CFAP61: variants seen among roughly 807,000 people sequenced by gnomAD.
The protein encoded by CFAP61 is cilia and flagella associated protein 61.
A neutral mutation model predicts 135.6 loss-of-function variants in CFAP61; 107 were observed. The observed-to-expected ratio is 0.79, with a 90% confidence interval of 0.67 to 0.93. The LOEUF is 0.93. Ranked by LOEUF, CFAP61 falls within the 40% of genes least tolerant of loss-of-function variation. The pLI is 0.00. For synonymous variants in CFAP61, 575 were observed against 578.5 expected, an observed-to-expected ratio of 0.99 and a Z score of 0.09; for missense variants, 1,507 against 1,556.2, an observed-to-expected ratio of 0.97 and a Z score of 0.53.
intron 2 of CFAP61, among the ~76,000 whole-genome samples, chr20:20,069,004 A>G (rs2045515906): frequency 6.6e-6 from 1 of 152,182 alleles, no homozygotes; most frequent in Admixed American, 6.5e-5. Flanking sequence ...TGGCCTTCCA[A>G]AGTGCTGGGA....
chr20:20,070,458 A>C (rs2045624653), intron 2 of CFAP61, among the ~76,000 whole-genome samples: 1 of 152,044 alleles, frequency 6.6e-6, no homozygotes, highest in African/African-American at 2.4e-5. Context: ...TATCTTGGGC[A>C]CTCCCAGTCC....
chr20:20,320,376 T>TATATATTATATATGTAATATA (rs2057398298), intron 25 of CFAP61, among the ~76,000 whole-genome samples: 2 of 6,718 alleles, frequency 3.0e-4, no homozygotes, highest in African/African-American at 9.8e-4. Flanking sequence ...ATATATATTA[T>TATATATTATATATGTAATATA]ATATATGTAA....
chr20:20,121,646 C>T (rs1474501235), intron 8 of CFAP61, among the ~76,000 whole-genome samples: 4 of 152,102 alleles, frequency 2.6e-5, no homozygotes, highest in Non-Finnish European at 4.4e-5. Context: ...AGGCACATGC[C>T]CCTGTGCCCA....
At chr20:20,305,796 A>G (rs1031741526) in intron 25 of CFAP61, among the ~76,000 whole-genome samples, 4 of 152,210 alleles carry the variant, frequency 2.6e-5, no homozygotes, top group African/African-American at 9.6e-5. Flanking sequence ...CTGCCCTCAT[A>G]AAAGGCAATC....
chr20:20,175,385 T>C (rs6081909), intron 13 of CFAP61, among the ~76,000 whole-genome samples: 30,932 of 152,222 alleles, frequency 0.2, 3,509 homozygotes, highest in African/African-American at 0.29. Context: ...TCCAAGGCCC[T>C]GCCCCAGGTT....
chr20:20,142,991 C>T (rs750772175), intron 9 of CFAP61, 43 bp downstream of exon 9: 58 of 1,212,460 alleles, frequency 4.8e-5, no homozygotes, highest in Non-Finnish European at 6.8e-5. Context: ...GGGGGATGGG[C>T]CTGGGGGCTA....
intron 21 of CFAP61, among the ~76,000 whole-genome samples, chr20:20,274,728 A>G (rs1294088196): frequency 6.6e-6 from 1 of 152,234 alleles, no homozygotes; most frequent in Non-Finnish European, 1.5e-5. Context: ...GCCATCTTAC[A>G]TATTAATAAC....
intron 18 of CFAP61, among the ~76,000 whole-genome samples, chr20:20,234,855 C>T (rs1001701919): frequency 6.6e-6 from 1 of 152,142 alleles, no homozygotes; most frequent in Non-Finnish European, 1.5e-5. Context: ...TCAGTCTCCT[C>T]ACCTGTGCTG....
intron 2 of CFAP61, among the ~76,000 whole-genome samples, chr20:20,066,473 T>G (rs1277219923): frequency 6.6e-6 from 1 of 152,202 alleles, no homozygotes; most frequent in African/African-American, 2.4e-5. Context: ...GTGGCACATA[T>G]ACACCATGGA....
rs1244643640 is a variant in CFAP61, at chr20:20,246,163, C to G, written c.2107C>G (p.Leu703Val). The change falls in exon 19 of 27, where the codon CTC becomes GTC. Residue 703 changes from leucine to valine, a missense_variant. By Grantham distance (32) the Leu-to-Val change is conservative. Coordinates refer to ENST00000245957, the MANE Select transcript of CFAP61 (RefSeq NM_015585.4). Reference protein sequence around the residue: ...NNLTLISTHGLPGKKLLDTEQ... With the variant: ...NNLTLISTHGVPGKKLLDTEQ... ...TCTTACCCTGATTTCAACTCATGGA[C>G]TCCCAGGAAAAAAACTTCTGGACAC... 1.2e-6 allele frequency: 2 copies of G among 1,613,382 alleles called. No homozygotes were observed. Among genetic ancestry groups the G allele is most frequent in the Admixed American group, 1.7e-5 (1 of 59,988 alleles).
intron 2 of CFAP61, among the ~76,000 whole-genome samples, chr20:20,059,382 T>C (rs1363026747): frequency 7.2e-6 from 1 of 139,856 alleles, no homozygotes; most frequent in African/African-American, 2.6e-5. Flanking sequence ...TCTGGGATGC[T>C]GAGGTGGGCA....
At chr20:20,345,912 T>TTTG (rs1569320035) in intron 26 of CFAP61, among the ~76,000 whole-genome samples, 1 of 121,636 alleles carries the variant, frequency 8.2e-6, no homozygotes, top group East Asian at 2.5e-4. Context: ...TTTTTTTTTT[T>TTTG]GAGACGGAGT....
intron 9 of CFAP61, among the ~76,000 whole-genome samples, chr20:20,148,833 G>C (rs1464056595): frequency 6.6e-6 from 1 of 152,126 alleles, no homozygotes; most frequent in Non-Finnish European, 1.5e-5. Context: ...GCACTATGTT[G>C]AATAGAAGTG....
At chr20:20,320,895 G>T (rs930956162) in intron 25 of CFAP61, among the ~76,000 whole-genome samples, 1 of 150,192 alleles carries the variant, frequency 6.7e-6, no homozygotes, top group Non-Finnish European at 1.5e-5. Context: ...AGGAGGGAGG[G>T]GTCCTGGACA....
intron 7 of CFAP61, among the ~76,000 whole-genome samples, chr20:20,091,255 G>GT (rs2047179239): frequency 6.6e-6 from 1 of 152,206 alleles, no homozygotes; most frequent in South Asian, 2.1e-4. Flanking sequence ...CCAGGGGTGC[G>GT]TAGGGGGATT....
At chr20:20,285,845 C>T (rs1034882496) in intron 22 of CFAP61, among the ~76,000 whole-genome samples, 15 of 150,640 alleles carry the variant, frequency 1.0e-4, no homozygotes, top group Non-Finnish European at 1.8e-4. Flanking sequence ...TCCTTGAACC[C>T]GGGAGGTCAA....
intron 24 of CFAP61, among the ~76,000 whole-genome samples, chr20:20,296,064 CCTTCCTTCCCTCCT>C (rs2055454328): frequency 2.8e-5 from 1 of 35,498 alleles, no homozygotes; most frequent in Non-Finnish European, 6.2e-5. Flanking sequence ...CCCTTCCTTC[CCTTCCTTCCCTCCT>C]TTTCTTCCTT....
chr20:20,288,532 CT>C lies in CFAP61; in HGVS notation c.2797-76del. On this transcript the variant is annotated intron_variant, in intron 22 of 26. Transcript: ENST00000245957. ...TTTGTGCCCCGAATAATAAAATGCC[CT>C]GGAGACTAGTCACACTTTTGGGAAG... 3 of 1,144,676 alleles carry C rather than the reference CT, an allele frequency of 2.6e-6. No individual in the cohort carries two copies. In the South Asian group the frequency reaches 4.2e-5, roughly 16 times the overall value. 70.9% of individuals were successfully genotyped at this position (1,144,676 alleles called of 1,614,324 possible).
intron 24 of CFAP61, among the ~76,000 whole-genome samples, chr20:20,297,312 C>T (rs6106223): frequency 0.2 from 30,657 of 152,114 alleles, 4,089 homozygotes; most frequent in African/African-American, 0.36. Flanking sequence ...CACATTCAAG[C>T]TCAGAAGAGA....
Sources: allele counts gnomAD v4.1 joint callset (sites outside exome capture counted in the v4.1 genomes callset), GRCh38; gene constraint gnomAD v4.1.1; transcripts MANE v1.5; gene names NCBI Gene and HGNC (gene_info 2026-07-23, HGNC 2026-07-21).